Variants in ZNF407 observed in about 807,000 individuals in gnomAD.
ZNF407 encodes zinc finger protein 407.
A neutral mutation model predicts 131.2 loss-of-function variants in ZNF407; 17 were observed. The observed-to-expected ratio is 0.13, with a 90% CI of 0.09 to 0.19. The LOEUF is 0.19. Among genes scored for constraint, ZNF407 ranks in the 10% least tolerant of loss-of-function variants. The pLI, the probability that ZNF407 is intolerant of heterozygous loss-of-function variation, is 1.00. For synonymous variants in ZNF407, 1,156 were observed against 1,062.0 expected (o/e 1.09, Z -1.72); for missense variants, 2,681 against 2,830.6 (o/e 0.95, Z 1.20).
At chr18:74,986,004 A>G in intron 8 of ZNF407, among the ~76,000 whole-genome samples, 1 of 152,194 alleles carries the variant, frequency 6.6e-6, no homozygotes, top group Non-Finnish European at 1.5e-5. Flanking sequence ...TAGAATACTT[A>G]TGAGGATGGA....
At chr18:74,745,788 C>T (rs1968654961) in intron 3 of ZNF407, among the ~76,000 whole-genome samples, 1 of 152,120 alleles carries the variant, frequency 6.6e-6, no homozygotes, top group Admixed American at 6.6e-5. Context: ...TATGGTTATT[C>T]ATCAGTCTGG....
chr18:74,945,255 T>G (rs560563857), intron 8 of ZNF407, among the ~76,000 whole-genome samples: 1 of 152,258 alleles, frequency 6.6e-6, no homozygotes, highest in African/African-American at 2.4e-5. Context: ...CTGCAAAAGA[T>G]CTAATGAAAA....
intron 8 of ZNF407, among the ~76,000 whole-genome samples, chr18:75,034,779 T>A (rs890542236): frequency 2.0e-5 from 3 of 152,208 alleles, no homozygotes; most frequent in Non-Finnish European, 4.4e-5. Context: ...ACTTGGCACA[T>A]AATGCTATTG....
intron 3 of ZNF407, among the ~76,000 whole-genome samples, chr18:74,712,575 T>C (rs1188105363): frequency 6.6e-6 from 1 of 152,196 alleles, no homozygotes; most frequent in Non-Finnish European, 1.5e-5. Context: ...GAGGCTTTCC[T>C]GTGGAGGCCA....
At chr18:74,734,671 T>TTGTGTGTGTGTGTG (rs200073035) in intron 3 of ZNF407, among the ~76,000 whole-genome samples, 14 of 138,972 alleles carry the variant, frequency 1.0e-4, no homozygotes, top group African/African-American at 3.6e-4. Context: ...GAGTTTCAAT[T>TTGTGTGTGTGTGTG]TGTGTGTGTG....
At position 74,685,220 on chromosome 18, in the gene ZNF407, A is replaced by G. The variant is rs544332554; in HGVS notation, c.4802+44098A>G. Among the ~76,000 whole-genome samples, 20 of 152,248 alleles carry G rather than the reference A, an allele frequency of 1.3e-4. No homozygotes were observed. In the East Asian group the frequency reaches 1.7e-3, roughly 13 times the overall value. ...TGTCTATTTTTTTTCAGGGAATATG[A>G]AGTATAATGCCTTCTGTTATCATGG... On this transcript the variant is annotated intron_variant, in intron 3 of 8. Transcript: ENST00000299687.
intron 8 of ZNF407, among the ~76,000 whole-genome samples, chr18:74,985,165 C>T (rs752441436): frequency 3.3e-5 from 5 of 152,134 alleles, no homozygotes; most frequent in Non-Finnish European, 2.9e-5. Flanking sequence ...ATTATTTTTA[C>T]CTCTTTATTT....
At chr18:74,778,342 AC>A (rs1190371083) in intron 3 of ZNF407, among the ~76,000 whole-genome samples, 1 of 152,188 alleles carries the variant, frequency 6.6e-6, no homozygotes, top group African/African-American at 2.4e-5. Flanking sequence ...CTTGGCAGGC[AC>A]CGTGCCTTCA....
intron 8 of ZNF407, among the ~76,000 whole-genome samples, chr18:75,051,519 C>T (rs921636666): frequency 6.6e-6 from 1 of 152,166 alleles, no homozygotes; most frequent in Non-Finnish European, 1.5e-5. Flanking sequence ...AGTGGGATTT[C>T]GTTTCCCATC....
intron 4 of ZNF407, among the ~76,000 whole-genome samples, chr18:74,783,193 C>T (rs1459672389): frequency 2.0e-5 from 3 of 152,186 alleles, no homozygotes; most frequent in Middle Eastern, 3.4e-3. Context: ...GATCTAAGGA[C>T]TGAGCCTAGA....
chr18:74,938,771 T>A (rs1972066551), intron 8 of ZNF407, among the ~76,000 whole-genome samples: 1 of 152,230 alleles, frequency 6.6e-6, no homozygotes, highest in Non-Finnish European at 1.5e-5. Flanking sequence ...ACGTTCCCAC[T>A]GGGTCCAATT....
chr18:74,978,117 G>A (rs1468734060), intron 8 of ZNF407, among the ~76,000 whole-genome samples: 1 of 152,144 alleles, frequency 6.6e-6, no homozygotes, highest in Non-Finnish European at 1.5e-5. Context: ...GAGGCAGTGC[G>A]CCTTTGGGAC....
At chr18:74,754,047 A>T (rs1216842621) in intron 3 of ZNF407, among the ~76,000 whole-genome samples, 1 of 152,128 alleles carries the variant, frequency 6.6e-6, no homozygotes, top group African/African-American at 2.4e-5. Flanking sequence ...CTATTCAGGG[A>T]TTCAACTTCT....
At chr18:74,683,526 A>T (rs1967033336) in intron 3 of ZNF407, among the ~76,000 whole-genome samples, 2 of 152,300 alleles carry the variant, frequency 1.3e-5, no homozygotes, top group South Asian at 4.2e-4. Context: ...TTGAGATGCT[A>T]TGCAATGCTC....
intron 6 of ZNF407, among the ~76,000 whole-genome samples, chr18:74,889,268 G>A (rs1169395168): frequency 2.9e-5 from 2 of 69,142 alleles, no homozygotes; most frequent in South Asian, 8.3e-4. Flanking sequence ...TAAGCACTGC[G>A]TAGCTGTGTC....
chr18:74,915,677 C>T (rs1387872803), intron 7 of ZNF407, among the ~76,000 whole-genome samples: 5 of 54,912 alleles, frequency 9.1e-5, no homozygotes, highest in Admixed American at 2.4e-4. Flanking sequence ...TTGTATGCAG[C>T]ATTGGTTCGA....
At position 74,932,728 on chromosome 18, in the gene ZNF407, T is replaced by C. The variant is rs549623049; in HGVS notation, c.5428+12036T>C. Among the ~76,000 whole-genome samples, 4 of 152,368 alleles carry C rather than the reference T, an allele frequency of 2.6e-5. No individual in the cohort carries two copies. In the South Asian group the frequency reaches 6.2e-4, roughly 24 times the overall value. On this transcript the variant is annotated intron_variant, in intron 8 of 8. Coordinates refer to ENST00000299687, the MANE Select transcript of ZNF407 (RefSeq NM_017757.3). ...ATGTGTTCACTTTTTGTGTATGATG[T>C]GATTCTGGCTACCACCTTATCTGGT...
At chr18:74,598,497 A>G (rs9964136) in intron 1 of ZNF407, 1 of 152,276 alleles carries the variant, frequency 6.6e-6, no homozygotes, top group Non-Finnish European at 1.5e-5. Context: ...TCTGGTTTCC[A>G]GCAGGGGCTC....
chr18:74,858,355 G>A (rs1451025659), intron 4 of ZNF407, among the ~76,000 whole-genome samples: 1 of 151,700 alleles, frequency 6.6e-6, no homozygotes, highest in Non-Finnish European at 1.5e-5. Context: ...TTTCTATTTT[G>A]CTGTTGCAGT....
Sources: gnomAD v4.1 joint callset for allele counts (sites outside exome capture counted in the v4.1 genomes callset) on GRCh38, gnomAD v4.1.1 for gene constraint, MANE v1.5 for transcripts, NCBI Gene and HGNC (gene_info 2026-07-23, HGNC 2026-07-21) for gene names.